The following TMX2 variants were observed in gnomAD, a reference collection of about 807,000 sequenced individuals.
The protein encoded by TMX2 is thioredoxin-related transmembrane protein 2.
A neutral mutation model predicts 33.4 loss-of-function variants in TMX2; 20 were observed. That is an observed-to-expected ratio of 0.60 (90% CI 0.42 to 0.87). The LOEUF (loss-of-function observed/expected upper bound fraction) is 0.87, where lower values mean the gene tolerates loss of function less well. TMX2 is among the 40% of genes least tolerant of loss of function. TMX2 has a pLI of 0.00. For synonymous variants in TMX2, 166 were observed against 140.7 expected, an observed-to-expected ratio of 1.18 and a Z score of -1.27; for missense variants, 340 against 370.7, an observed-to-expected ratio of 0.92 and a Z score of 0.68.
At chr11:57,713,921 T>A (rs1946804203) in intron 1 of TMX2, among the ~76,000 whole-genome samples, 7 of 152,228 alleles carry the variant, frequency 4.6e-5, no homozygotes, top group Admixed American at 4.6e-4. Flanking sequence ...TCTTTCTTCT[T>A]GTACTGAAGT....
chr11:57,718,368 T>A (rs1947318210), intron 1 of TMX2: 1 of 1,498,654 alleles, frequency 6.7e-7, no homozygotes, highest in African/African-American at 1.4e-5. Flanking sequence ...CCTGGAATAA[T>A]TCTGTGAAAG....
chr11:57,731,560 A>G (rs1178849039), intron 1 of TMX2, among the ~76,000 whole-genome samples: 1 of 151,122 alleles, frequency 6.6e-6, no homozygotes, highest in African/African-American at 2.4e-5. Context: ...CAGGACCTCC[A>G]GAGGGCTGTG....
chr11:57,720,134 C>CAAAAAAAAAAA (rs59914635), intron 1 of TMX2, among the ~76,000 whole-genome samples: 1 of 128,142 alleles, frequency 7.8e-6, no homozygotes, highest in Non-Finnish European at 1.6e-5. Flanking sequence ...ACTAAAAATA[C>CAAAAAAAAAAA]AAAAAAAAAA....
intron 1 of TMX2, among the ~76,000 whole-genome samples, chr11:57,732,269 G>A (rs762290315): frequency 1.2e-4 from 19 of 152,156 alleles, no homozygotes; most frequent in Non-Finnish European, 7.4e-5. Flanking sequence ...AGATGAAGGC[G>A]CATCATCCAG....
At chr11:57,720,026 C>T (rs1272284646) in intron 1 of TMX2, among the ~76,000 whole-genome samples, 7 of 151,472 alleles carry the variant, frequency 4.6e-5, no homozygotes, top group African/African-American at 7.3e-5. Context: ...CGGTGGCTCA[C>T]GCCTATAATC....
chr11:57,739,947 C>G, intron 7 of TMX2, 152 bp from the exon 8 acceptor site: 1 of 973,424 alleles, frequency 1.0e-6, no homozygotes, highest in Non-Finnish European at 1.5e-6. Context: ...GTTGACTTTT[C>G]TGGGTACCTA....
At chr11:57,725,420 G>A (rs976428535) in intron 1 of TMX2, among the ~76,000 whole-genome samples, 3 of 152,078 alleles carry the variant, frequency 2.0e-5, no homozygotes, top group Admixed American at 1.3e-4. Flanking sequence ...GAGGTTATAA[G>A]GGCTGGTTTT....
intron 1 of TMX2, among the ~76,000 whole-genome samples, chr11:57,725,868 C>G (rs1947944784): frequency 6.6e-6 from 1 of 152,082 alleles, no homozygotes; most frequent in African/African-American, 2.4e-5. Flanking sequence ...CCACCCCAAC[C>G]ATAAAAATTT....
In TMX2 at chr11:57,739,139, T is replaced by G. The variant is rs1392327753; in HGVS notation, c.623T>G (p.Val208Gly). Reference sequence around the variant, plus strand: ...CTTTCTGGGCCCTGCAGGTACAAAGTGAGCACATCACCCCTCACCAAGCAA... The same window carrying G: ...CTTTCTGGGCCCTGCAGGTACAAAGGGAGCACATCACCCCTCACCAAGCAA... ...RYTDVSTRYK[V>G]STSPLTKQLP... Residue 208 changes from valine to glycine, a missense_variant, in exon 7 of 8, where the codon GTG becomes GGG. Transcript: ENST00000278422. The G allele has an allele frequency of 6.2e-7, 1 of 1,613,956 alleles. No homozygotes were observed. Among genetic ancestry groups the G allele is most frequent in the African/African-American group, 1.3e-5 (1 of 74,894 alleles).
intron 1 of TMX2, among the ~76,000 whole-genome samples, chr11:57,729,753 G>A (rs1197826288): frequency 2.0e-5 from 3 of 152,066 alleles, no homozygotes; most frequent in Non-Finnish European, 4.4e-5. Flanking sequence ...ATTTATGTGT[G>A]TGTATACAAT....
At chr11:57,713,677 C>T (rs1946788342) in intron 1 of TMX2, among the ~76,000 whole-genome samples, 1 of 152,198 alleles carries the variant, frequency 6.6e-6, no homozygotes, top group Admixed American at 6.5e-5. Flanking sequence ...ACGTGCATAG[C>T]ATGAGGGAAT....
At chr11:57,718,728 T>C (rs1290883165) in intron 1 of TMX2, among the ~76,000 whole-genome samples, 1 of 146,754 alleles carries the variant, frequency 6.8e-6, no homozygotes, top group East Asian at 2.1e-4. Flanking sequence ...TGATCTTGGC[T>C]CACTGCAACC....
At position 57,740,845 on chromosome 11, in the gene TMX2, G is replaced by A. The variant is rs965336861; in HGVS notation, c.*600G>A. Reference sequence around the variant, plus strand: ...TGGGGATTGAGAAGGGGTGAATAGAGGCTTGAGACTTTCCTTTGTGTGGTA... The same window carrying A: ...TGGGGATTGAGAAGGGGTGAATAGAAGCTTGAGACTTTCCTTTGTGTGGTA... On this transcript the variant is annotated 3_prime_UTR_variant, in exon 8 of 8. Coordinates refer to ENST00000278422, the MANE Select transcript of TMX2 (RefSeq NM_015959.4). The A allele has an allele frequency of 1.3e-5, 2 of 152,318 alleles. No homozygotes were observed. The highest frequency in any genetic ancestry group is 2.9e-5 in the Non-Finnish European group (2 of 68,114). The allele number at this position is 152,318 out of a possible 1,614,324, so 9.4% of individuals were successfully genotyped here.
Position 57,739,156 on chromosome 11 carries a change from A to C in TMX2, c.640A>C (p.Thr214Pro), listed in dbSNP as rs1407164226. The C allele has an allele frequency of 6.2e-7, 1 of 1,613,974 alleles. No homozygotes were observed. Among genetic ancestry groups the C allele is most frequent in the African/African-American group, 1.3e-5 (1 of 74,910 alleles). Residue 214 changes from threonine (T) to proline (P), a missense_variant, in exon 7 of 8, where the codon ACC becomes CCC. Thr to Pro is a conservative substitution (Grantham distance 38). Around this residue, in one of 3 missense-constraint regions of TMX2, gnomAD observed 209 missense variants for 241.6 expected, o/e 0.87. Coordinates refer to ENST00000278422, the MANE Select transcript of TMX2 (RefSeq NM_015959.4). ...GTACAAAGTGAGCACATCACCCCTC[A>C]CCAAGCAACTCCCTACCCTGATCCT... The part of the protein sequence containing the change: ...TRYKVSTSPL[T>P]KQLPTLILFQ...
intron 1 of TMX2, among the ~76,000 whole-genome samples, chr11:57,734,355 A>G (rs1414304252): frequency 6.6e-6 from 1 of 152,208 alleles, no homozygotes; most frequent in Non-Finnish European, 1.5e-5. Context: ...TGAAGTTTGC[A>G]GTAGCAATAG....
At chr11:57,715,904 G>C (rs1037904160) in intron 1 of TMX2, among the ~76,000 whole-genome samples, 1 of 151,950 alleles carries the variant, frequency 6.6e-6, no homozygotes, top group African/African-American at 2.4e-5. Context: ...TGGGGGTAAG[G>C]TCACCGATCA....
intron 7 of TMX2, among the ~76,000 whole-genome samples, 186 bp downstream of exon 7, chr11:57,739,446 G>A (rs1424304371): frequency 3.9e-5 from 6 of 152,158 alleles, no homozygotes; most frequent in Admixed American, 6.5e-5. Context: ...CTAGTACTGG[G>A]TAACAATCAT....
Position 57,739,233 on chromosome 11 carries a change from A to G in TMX2, c.717A>G (p.Gly239=). 6.2e-7 allele frequency: 1 copy of G among 1,614,092 alleles called. No homozygotes were observed. The highest frequency in any genetic ancestry group is 8.5e-7 in the Non-Finnish European group (1 of 1,180,014). Residue 239 remains glycine, a synonymous_variant, in exon 7 of 8, where the codon GGA becomes GGG. Coordinates refer to ENST00000278422, the MANE Select transcript of TMX2 (RefSeq NM_015959.4). ...AMRRPQIDKK[G]RAVSWTFSEE... is the part of the protein sequence containing the mutation. ...GGCGGCCACAGATTGACAAGAAAGG[A>G]CGGGCTGTCTCATGGACCTTCTCTG... is the stretch of plus-strand genomic sequence containing the variant.
chr11:57,739,208 G>A lies in TMX2; in HGVS notation c.692G>A (p.Arg231Gln), dbSNP rs775003534. 2.5e-6 allele frequency: 4 copies of A among 1,614,056 alleles called. No homozygotes were observed. The highest frequency in any genetic ancestry group is 3.4e-6 in the Non-Finnish European group (4 of 1,180,016). The change falls in exon 7 of 8, where the codon CGG becomes CAG. Residue 231 changes from arginine (R) to glutamine (Q), a missense_variant. Transcript: ENST00000278422. ...TTCCAAGGTGGCAAGGAGGCAATGC[G>A]GCGGCCACAGATTGACAAGAAAGGA... ...ILFQGGKEAM[R>Q]RPQIDKKGRA...
Sources: allele counts gnomAD v4.1 joint callset (sites outside exome capture counted in the v4.1 genomes callset), GRCh38; gene constraint gnomAD v4.1.1; regional missense constraint gnomAD v4.1.1; transcripts MANE v1.5; gene names NCBI Gene and HGNC (gene_info 2026-07-23, HGNC 2026-07-21).